ERICH2: variants seen among roughly 807,000 people sequenced by gnomAD.
ERICH2 encodes the protein glutamate-rich protein 2.
ERICH2 carries 17 observed loss-of-function variants against 17.4 expected under a neutral mutation model. The ratio of observed to expected loss-of-function variants is 0.98; its 90% CI spans 0.67 to 1.47. The LOEUF is 1.47. Ranked by LOEUF, ERICH2 falls within the 40% of genes most tolerant of loss-of-function variation. The pLI, the probability that ERICH2 is intolerant of heterozygous loss-of-function variation, is 0.00. For synonymous variants in ERICH2, 51 were observed against 61.1 expected (o/e 0.83, Z 0.77); for missense variants, 186 against 183.2 (o/e 1.01, Z -0.09).
upstream of ERICH2, among the ~76,000 whole-genome samples, chr2:170,780,096 A>G (rs1281499134): frequency 6.6e-6 from 1 of 152,216 alleles, no homozygotes; most frequent in African/African-American, 2.4e-5. Context: ...GTCTAACCTG[A>G]TTAACTCTGT....
rs869301301 is a variant in ERICH2 at position 170,796,428 on chromosome 2, G to GTTTTTT, written c.275-1607_275-1602dup. ...AATGGTTATCTCTCTCTCTCTCTTT[G>GTTTTTT]TTTTTTTTTTTGTTTTTTTTTTTTT... On this transcript the variant is annotated intron_variant, in intron 3 of 4. Coordinates refer to ENST00000409885, the Ensembl canonical transcript of ERICH2. Among the ~76,000 whole-genome samples the GTTTTTT allele has an allele frequency of 1.6e-3, 184 of 114,414 alleles. 8 individuals carry two copies. Among genetic ancestry groups the GTTTTTT allele is most frequent in the Admixed American group, 6.5e-3 (63 of 9,636 alleles). The allele number at this position is 114,414 out of a possible 152,430, so 75.1% of individuals were successfully genotyped here.
the ERICH2 span, among the ~76,000 whole-genome samples, chr2:170,776,903 T>C: frequency 6.6e-6 from 1 of 152,074 alleles, no homozygotes; most frequent in Non-Finnish European, 1.5e-5. Context: ...TAGTTATCGT[T>C]TGTGCTTCTC....
chr2:170,771,680 G>GCCAT, the ERICH2 span, among the ~76,000 whole-genome samples: 1 of 152,196 alleles, frequency 6.6e-6, no homozygotes, highest in African/African-American at 2.4e-5. The surrounding 1 kb of genome is among the most constrained non-coding windows in gnomAD (Gnocchi z 4.8). Flanking sequence ...TAACTTGCTA[G>GCCAT]CCATACAAAT....
At chr2:170,781,958 A>G (rs1427434124), upstream of ERICH2, among the ~76,000 whole-genome samples, 1 of 152,228 alleles carries the variant, frequency 6.6e-6, no homozygotes, top group African/African-American at 2.4e-5. Context: ...ACTGTGATGT[A>G]CCAGAGACAT....
At chr2:170,779,206 G>A (rs1700973316), upstream of ERICH2, among the ~76,000 whole-genome samples, 1 of 152,154 alleles carries the variant, frequency 6.6e-6, no homozygotes, top group Non-Finnish European at 1.5e-5. Flanking sequence ...TGGGAAGAGT[G>A]TGACTGACCT....
chr2:170,790,803 CAA>C (rs57351246), intron 2 of ERICH2, among the ~76,000 whole-genome samples: 1 of 67,856 alleles, frequency 1.5e-5, no homozygotes. Context: ...GACTCCTTCT[CAA>C]AAAAAAAAAA....
At chr2:170,798,953 A>G in exon 5 of ERICH2, 1 of 1,518,148 alleles carries the variant, frequency 6.6e-7, no homozygotes, top group Admixed American at 2.1e-5. Context: ...ATGCAAATAT[A>G]AAGACAAGTG....
upstream of ERICH2, among the ~76,000 whole-genome samples, chr2:170,779,488 G>A (rs1322785030): frequency 6.6e-6 from 1 of 152,102 alleles, no homozygotes; most frequent in Non-Finnish European, 1.5e-5. Flanking sequence ...AATCCTATGT[G>A]GGAAAGATTT....
At chr2:170,797,961 T>A (rs1701469533) in intron 3 of ERICH2, 80 bp from the exon 9 acceptor site, 1 of 921,864 alleles carries the variant, frequency 1.1e-6, no homozygotes, top group Admixed American at 2.1e-5. Context: ...GACTGACAGT[T>A]CAATTTCATT....
chr2:170,778,280 T>C, the ERICH2 span: 2 of 152,194 alleles, frequency 1.3e-5, no homozygotes, highest in South Asian at 4.1e-4. Flanking sequence ...TCCTACTTTC[T>C]GAAAAAAAAA....
intron 3 of ERICH2, 30 bp downstream of exon 8, chr2:170,792,950 ATCTTC>A: frequency 7.5e-7 from 1 of 1,337,814 alleles, no homozygotes; most frequent in East Asian, 2.6e-5. Context: ...ATATTTTCTA[ATCTTC>A]TCTTTGTTTT....
chr2:170,777,329 C>T, the ERICH2 span: 48 of 766,528 alleles, frequency 6.3e-5, no homozygotes, highest in Non-Finnish European at 6.6e-5. Flanking sequence ...TTTCAAATAT[C>T]TCAAACTAAA....
the ERICH2 span, among the ~76,000 whole-genome samples, chr2:170,773,414 C>T: frequency 6.6e-6 from 1 of 152,212 alleles, no homozygotes; most frequent in Non-Finnish European, 1.5e-5. Flanking sequence ...CCAGTTCTGC[C>T]TCCACTGCCT....
At chr2:170,783,451 A>G (rs1341697174), upstream of ERICH2, among the ~76,000 whole-genome samples, 2 of 152,206 alleles carry the variant, frequency 1.3e-5, no homozygotes, top group Non-Finnish European at 2.9e-5. Context: ...CAGGAGGCTA[A>G]GGCACAAGAC....
At chr2:170,779,960 A>G (rs1412768358), upstream of ERICH2, 1 of 442,962 alleles carries the variant, frequency 2.3e-6, no homozygotes, top group Non-Finnish European at 3.0e-6. Context: ...AAAGTTTAAA[A>G]TAGAAATCTC....
At chr2:170,782,746 A>G (rs1280101418), upstream of ERICH2, among the ~76,000 whole-genome samples, 1 of 152,208 alleles carries the variant, frequency 6.6e-6, no homozygotes, top group Non-Finnish European at 1.5e-5. Flanking sequence ...TGTCCTTATA[A>G]AGTTTACATT....
chr2:170,773,612 C>T, the ERICH2 span, among the ~76,000 whole-genome samples: 1 of 152,218 alleles, frequency 6.6e-6, no homozygotes, highest in Non-Finnish European at 1.5e-5. Flanking sequence ...CCCGTTTCAC[C>T]TATAAGATTC....
chr2:170,775,363 T>C, the ERICH2 span, among the ~76,000 whole-genome samples: 2 of 151,962 alleles, frequency 1.3e-5, no homozygotes, highest in East Asian at 3.9e-4. Flanking sequence ...GCCCAGGTGA[T>C]CGAGGCTGCA....
intron 3 of ERICH2, among the ~76,000 whole-genome samples, chr2:170,796,391 T>G (rs1701415957): frequency 6.6e-6 from 1 of 151,354 alleles, no homozygotes. Context: ...GGGGTCTAAT[T>G]GAACAATCCA....
Sources: gnomAD v4.1 joint callset for allele counts (sites outside exome capture counted in the v4.1 genomes callset) on GRCh38, gnomAD v4.1.1 for gene constraint, Gnocchi (gnomAD v3.1) non-coding constraint, MANE v1.5 for transcripts, NCBI Gene and HGNC (gene_info 2026-07-23, HGNC 2026-07-21) for gene names.